Variants in BRI3 observed in about 807,000 individuals in gnomAD.
The protein encoded by BRI3 is brain protein I3, also known as membrane protein BRI3.
BRI3 carries 6 observed loss-of-function variants against 12.8 expected under a neutral mutation model. The ratio of observed to expected loss-of-function variants is 0.47; its 90% confidence interval spans 0.26 to 0.93. BRI3 has a LOEUF of 0.93. BRI3 is among the 40% of genes least tolerant of loss of function. The pLI is 0.15. For missense variants in BRI3, 134 were observed against 171.1 expected, an observed-to-expected ratio of 0.78 and a Z score of 1.21; for synonymous variants, 91 against 76.1, an observed-to-expected ratio of 1.20 and a Z score of -1.02.
At chr7:98,286,179 T>TTCAGCC (rs1799705533) in intron 2 of BRI3, among the ~76,000 whole-genome samples, 1 of 152,294 alleles carries the variant, frequency 6.6e-6, no homozygotes, top group Admixed American at 6.5e-5. Flanking sequence ...CACCCTCAGC[T>TTCAGCC]TCAGCCTCCT....
At chr7:98,299,368 G>A (rs1056911959) in intron 1 of BRI3, among the ~76,000 whole-genome samples, 2 of 151,956 alleles carry the variant, frequency 1.3e-5, no homozygotes, top group Non-Finnish European at 2.9e-5. Flanking sequence ...ATATTGCCCA[G>A]GCTGATCTGG....
At chr7:98,296,247 T>A (rs1318908601), downstream of BRI3, among the ~76,000 whole-genome samples, 3 of 152,228 alleles carry the variant, frequency 2.0e-5, no homozygotes, top group African/African-American at 7.2e-5. Context: ...GCCGGGAACG[T>A]CCTGCTGGGT....
chr7:98,322,593 C>T, the BRI3 span, among the ~76,000 whole-genome samples: 1 of 152,176 alleles, frequency 6.6e-6, no homozygotes, highest in Non-Finnish European at 1.5e-5. Flanking sequence ...TGGGGCATGG[C>T]GTGTGAAGTC....
At chr7:98,310,674 TTA>T, downstream of BRI3, 1 of 1,107,368 alleles carries the variant, frequency 9.0e-7, no homozygotes, top group Non-Finnish European at 1.2e-6. Context: ...TTTTTTTTTT[TTA>T]AATAATAGGC....
chr7:98,289,416 AC>A (rs1490988456), intron 2 of BRI3, among the ~76,000 whole-genome samples: 1 of 152,018 alleles, frequency 6.6e-6, no homozygotes, highest in Non-Finnish European at 1.5e-5. Context: ...ATGAGTCCAG[AC>A]CCCCAGGAAG....
At chr7:98,318,593 A>G in the BRI3 span, among the ~76,000 whole-genome samples, 1 of 151,854 alleles carries the variant, frequency 6.6e-6, no homozygotes, top group Non-Finnish European at 1.5e-5. Context: ...CAGGGTCTTA[A>G]ACGGACCCGC....
At chr7:98,282,225 TC>T in intron 1 of BRI3, 125 bp from the exon 2 acceptor site, 1 of 914,052 alleles carries the variant, frequency 1.1e-6, no homozygotes, top group Non-Finnish European at 1.7e-6. Context: ...GCGGTGGCCG[TC>T]CCGAGGGTGG....
intron 1 of BRI3, among the ~76,000 whole-genome samples, chr7:98,298,627 A>G (rs1800290081): frequency 6.6e-6 from 1 of 152,034 alleles, no homozygotes; most frequent in Admixed American, 6.6e-5. Context: ...CAAAACAAAA[A>G]AAACATGAGG....
downstream of BRI3, among the ~76,000 whole-genome samples, chr7:98,295,631 A>C (rs1460193361): frequency 6.6e-6 from 1 of 151,526 alleles, no homozygotes; most frequent in African/African-American, 2.4e-5. Flanking sequence ...TCCTGACTCC[A>C]CTCTGCCCTC....
chr7:98,303,954 ACT>A (rs1468259773), upstream of BRI3, among the ~76,000 whole-genome samples: 1 of 152,182 alleles, frequency 6.6e-6, no homozygotes, highest in African/African-American at 2.4e-5. Flanking sequence ...CTGTGTGTAA[ACT>A]CTCACTGACA....
upstream of BRI3, chr7:98,304,195 C>G: frequency 6.3e-7 from 1 of 1,582,484 alleles, no homozygotes; most frequent in Non-Finnish European, 8.6e-7. Flanking sequence ...GCTTTACTCA[C>G]AGGAGCCGCG....
upstream of BRI3, among the ~76,000 whole-genome samples, chr7:98,303,090 A>G (rs1800493662): frequency 6.6e-6 from 1 of 152,204 alleles, no homozygotes; most frequent in South Asian, 2.1e-4. Flanking sequence ...CCTGGCTTCA[A>G]AGACATTTTG....
downstream of BRI3, chr7:98,294,241 C>T (rs1800091627): frequency 1.1e-6 from 1 of 887,416 alleles, no homozygotes; most frequent in South Asian, 1.6e-5. Context: ...GATCCTTCCA[C>T]CTTGGCCTCC....
At chr7:98,299,077 G>A (rs568624305) in intron 1 of BRI3, among the ~76,000 whole-genome samples, 3 of 152,016 alleles carry the variant, frequency 2.0e-5, no homozygotes, top group African/African-American at 4.8e-5. Context: ...GTGCAGTGGC[G>A]TGATCTTGGC....
At chr7:98,285,481 C>G (rs1456988408) in intron 2 of BRI3, among the ~76,000 whole-genome samples, 2 of 150,458 alleles carry the variant, frequency 1.3e-5, no homozygotes, top group Non-Finnish European at 2.9e-5. Context: ...GTGGGCTGTC[C>G]CCGTCCTGAC....
At chr7:98,292,791 C>A, downstream of BRI3, 1 of 1,542,680 alleles carries the variant, frequency 6.5e-7, no homozygotes, top group Admixed American at 2.0e-5. Context: ...AGCCGTGACT[C>A]CGACGCCCAG....
At chr7:98,315,620 A>ATT in the BRI3 span, 2 of 1,085,150 alleles carry the variant, frequency 1.8e-6, no homozygotes, top group Non-Finnish European at 2.4e-6. Flanking sequence ...ATACTAAAAA[A>ATT]AAAAAAATAA....
downstream of BRI3, chr7:98,292,930 A>AG (rs1373117674): frequency 7.4e-7 from 1 of 1,353,976 alleles, no homozygotes; most frequent in East Asian, 2.8e-5. Context: ...AAAGCGTCTT[A>AG]GCACTCTACA....
At chr7:98,300,216 TG>T (rs1800363764) in intron 1 of BRI3, among the ~76,000 whole-genome samples, 1 of 151,766 alleles carries the variant, frequency 6.6e-6, no homozygotes. Flanking sequence ...TGATCCCTGC[TG>T]GTGAGGAGGC....
Sources: allele counts gnomAD v4.1 joint callset (sites outside exome capture counted in the v4.1 genomes callset), GRCh38; gene constraint gnomAD v4.1.1; transcripts MANE v1.5; gene names NCBI Gene and HGNC (gene_info 2026-07-23, HGNC 2026-07-21).